The following TMPRSS6 variants were observed in gnomAD, a reference collection of about 807,000 sequenced individuals.
TMPRSS6 encodes transmembrane protease serine 6.
Under a neutral mutation model 101.5 loss-of-function variants are expected in TMPRSS6, and 67 were observed. The observed-to-expected ratio is 0.66, with a 90% CI of 0.54 to 0.81. The LOEUF (loss-of-function observed/expected upper bound fraction) is 0.81. TMPRSS6 is among the 30% of genes least tolerant of loss of function. TMPRSS6 has a pLI of 0.00. For missense variants in TMPRSS6, 1,034 were observed against 1,088.7 expected, an observed-to-expected ratio of 0.95 and a Z score of 0.71; for synonymous variants, 453 against 464.9, an observed-to-expected ratio of 0.97 and a Z score of 0.33.
upstream of TMPRSS6, among the ~76,000 whole-genome samples, chr22:37,110,161 T>C (rs1229127125): frequency 9.5e-6 from 1 of 105,662 alleles, no homozygotes; most frequent in East Asian, 3.3e-4. Context: ...TTTTTTTTTT[T>C]AAGATGGAGT....
chr22:37,093,554 C>A (rs138383791), intron 6 of TMPRSS6, among the ~76,000 whole-genome samples: 1 of 150,672 alleles, frequency 6.6e-6, no homozygotes, highest in African/African-American at 2.4e-5. Context: ...AGGTGCGCAC[C>A]ACCATGCCCG....
At position 37,084,745 on chromosome 22, in the gene TMPRSS6, G is replaced by A; in HGVS notation, c.1068C>T (p.His356=). The A allele has an allele frequency of 6.4e-7, 1 of 1,564,808 alleles. No individual in the cohort carries two copies. Among genetic ancestry groups the A allele is most frequent in the Non-Finnish European group, 8.7e-7 (1 of 1,154,352 alleles). ...GTCTCACCGTGAGGTGCCAGGAGCAGTGGGTTTGGGGCGAGTAGTAGCTGG... is the reference window on the plus strand; with the variant it reads ...GTCTCACCGTGAGGTGCCAGGAGCAATGGGTTTGGGGCGAGTAGTAGCTGG... ...YFPSYYSPQT[H]CSWHLTVPSL... The change falls in exon 9 of 18, where the codon CAC becomes CAT. Residue 356 remains histidine (H), a synonymous_variant. Transcript: ENST00000676104.
In TMPRSS6 at chr22:37,069,928, C is replaced by T. The variant is rs1321477672; in HGVS notation, c.1841+556G>A. On this transcript the variant is annotated intron_variant, in intron 15 of 17. Transcript: ENST00000676104. This position sits in a 1 kb window ranked among gnomAD's most constrained non-coding sequence, Gnocchi z 4.8. Reference sequence around the variant, plus strand: ...AGAGCTAGGTGGTCAGAGCGCCCTGCGTCCCAGAGAGGATACAAAAGGGGA... The same window carrying T: ...AGAGCTAGGTGGTCAGAGCGCCCTGTGTCCCAGAGAGGATACAAAAGGGGA... Among the ~76,000 whole-genome samples, 1 of 152,096 alleles carries T rather than the reference C, an allele frequency of 6.6e-6. No individual in the cohort carries two copies.
chr22:37,093,394 T>C (rs1333898481), intron 6 of TMPRSS6, among the ~76,000 whole-genome samples: 5 of 125,132 alleles, frequency 4.0e-5, no homozygotes, highest in African/African-American at 1.6e-4. Context: ...CTTTTTTTTT[T>C]TTTTTTTTTT....
At chr22:37,092,721 C>A (rs760659493) in intron 6 of TMPRSS6, among the ~76,000 whole-genome samples, 73 of 152,250 alleles carry the variant, frequency 4.8e-4, no homozygotes, top group Non-Finnish European at 8.2e-4. Context: ...GCCTCGAACT[C>A]CTGACCTCAG....
intron 6 of TMPRSS6, among the ~76,000 whole-genome samples, chr22:37,092,597 A>G (rs964950363): frequency 6.6e-6 from 1 of 152,134 alleles, no homozygotes; most frequent in Non-Finnish European, 1.5e-5. Flanking sequence ...CCTGGGTTCA[A>G]GCAATTCTCC....
chr22:37,089,480 C>A lies in TMPRSS6; in HGVS notation c.836+98G>T, dbSNP rs571646541. 1.3e-5 allele frequency: 16 copies of A among 1,234,616 alleles called. 2 individuals are homozygous for A. The South Asian group carries it at 2.1e-4, about 16-fold the overall frequency. The allele number at this position is 1,234,616 out of a possible 1,614,324, so 76.5% of individuals were successfully genotyped here. A position where few individuals can be genotyped will look rare whatever the true frequency, so the allele number is the denominator to read the frequency against. ...CCAGATACCCAGGCCCAAGGTCCTACCCTCCCTTGTCTAAGAATGCTGTGT... is the reference window on the plus strand; with the variant it reads ...CCAGATACCCAGGCCCAAGGTCCTAACCTCCCTTGTCTAAGAATGCTGTGT... On this transcript the variant is annotated intron_variant, in intron 7 of 17. Coordinates refer to ENST00000676104, the MANE Select transcript of TMPRSS6 (RefSeq NM_001374504.1).
chr22:37,096,838 A>G, intron 3 of TMPRSS6, 123 bp from the exon 4 acceptor site: 1 of 973,998 alleles, frequency 1.0e-6, no homozygotes, highest in Non-Finnish European at 1.6e-6. Context: ...TCCAAGGTGG[A>G]CAGGCTTGAT....
At chr22:37,073,048 GTGGATGGATGGATGA>G in intron 13 of TMPRSS6, among the ~76,000 whole-genome samples, 1 of 142,090 alleles carries the variant, frequency 7.0e-6, no homozygotes, top group Non-Finnish European at 1.5e-5. Flanking sequence ...TGGACGATGG[GTGGATGGATGGATGA>G]TGGATGGATG....
chr22:37,084,984 T>C lies in TMPRSS6; in HGVS notation c.974-145A>G, dbSNP rs536606347. On this transcript the variant is annotated intron_variant, in intron 8 of 17. Coordinates refer to ENST00000676104, the MANE Select transcript of TMPRSS6 (RefSeq NM_001374504.1). ...TGATTGTGTGAATCTGGGTCTCAGTTTCCTCATCTGTAAAATGAGGACAGT... is the reference window on the plus strand; with the variant it reads ...TGATTGTGTGAATCTGGGTCTCAGTCTCCTCATCTGTAAAATGAGGACAGT... The C allele has an allele frequency of 9.5e-5, 66 of 691,392 alleles. No individual in the cohort carries two copies. The African/African-American group carries it at 1.0e-3, about 10-fold the overall frequency. The allele number at this position is 691,392 out of a possible 1,614,324, so 42.8% of individuals were successfully genotyped here.
At chr22:37,094,351 T>C (rs1389594198) in intron 6 of TMPRSS6, among the ~76,000 whole-genome samples, 2 of 152,088 alleles carry the variant, frequency 1.3e-5, no homozygotes, top group Non-Finnish European at 2.9e-5. Context: ...AATCTTATTC[T>C]AGCAATTCTC....
At position 37,086,412 on chromosome 22, in the gene TMPRSS6, C is replaced by T. The variant is rs145053404; in HGVS notation, c.844G>A (p.Gly282Ser). ...LEKRLITSVY[G>S]CSRQEPVVEV... The stretch of plus-strand genomic sequence containing the variant: ...ACCACGGGCTCCTGGCGGCTGCAGC[C>T]GTACACCCTGGCAGAACAGAAAGGT... The change falls in exon 8 of 18, where the codon GGC becomes AGC. Residue 282 changes from glycine to serine, a missense_variant. Gly to Ser is a moderately conservative substitution (Grantham distance 56). Coordinates refer to ENST00000676104, the MANE Select transcript of TMPRSS6 (RefSeq NM_001374504.1). The T allele has an allele frequency of 1.4e-4, 227 of 1,586,274 alleles. No homozygotes were observed. The African/African-American group carries it at 2.7e-3, about 19-fold the overall frequency.
chr22:37,081,352 G>A (rs929589245), intron 10 of TMPRSS6, among the ~76,000 whole-genome samples: 3 of 152,314 alleles, frequency 2.0e-5, no homozygotes, highest in Non-Finnish European at 1.5e-5. Flanking sequence ...CCTCGCCCAG[G>A]TAGGAAGCAG....
At chr22:37,098,280 C>T (rs1392470608) in intron 3 of TMPRSS6, 136 bp downstream of exon 3, 2 of 1,328,210 alleles carry the variant, frequency 1.5e-6, no homozygotes, top group Admixed American at 1.7e-5. Context: ...CATCTGCTTC[C>T]ATGGTGCCTG....
chr22:37,098,836 C>T (rs1930054760), intron 2 of TMPRSS6, among the ~76,000 whole-genome samples: 1 of 152,158 alleles, frequency 6.6e-6, no homozygotes, highest in Admixed American at 6.5e-5. Flanking sequence ...GTGACCAGTC[C>T]AGGACACCAA....
At chr22:37,071,140 G>A in intron 13 of TMPRSS6, 108 bp from the exon 14 acceptor site, 1 of 982,936 alleles carries the variant, frequency 1.0e-6, no homozygotes, top group South Asian at 1.4e-5. Context: ...GCCAGGAGGT[G>A]ACTAGAGAGT....
chr22:37,068,922 C>G (rs1383249516), intron 16 of TMPRSS6, 151 bp downstream of exon 16: 1 of 1,360,194 alleles, frequency 7.4e-7, no homozygotes, highest in Non-Finnish European at 9.8e-7. Flanking sequence ...GGTTTTCTAC[C>G]GTAAAATTCA....
chr22:37,085,495 A>T (rs1928666359), intron 8 of TMPRSS6, among the ~76,000 whole-genome samples: 1 of 152,122 alleles, frequency 6.6e-6, no homozygotes, highest in South Asian at 2.1e-4. Flanking sequence ...GGGAGGGAGA[A>T]GAGTGGGGAG....
intron 1 of TMPRSS6, among the ~76,000 whole-genome samples, chr22:37,104,319 A>G (rs1930575200): frequency 1.3e-5 from 2 of 152,322 alleles, no homozygotes; most frequent in South Asian, 2.1e-4. Flanking sequence ...CCTGAAGCCC[A>G]GAGAGGCTAA....
Sources: allele counts gnomAD v4.1 joint callset (sites outside exome capture counted in the v4.1 genomes callset), GRCh38; gene constraint gnomAD v4.1.1; non-coding constraint Gnocchi (gnomAD v3.1); transcripts MANE v1.5; gene names NCBI Gene and HGNC (gene_info 2026-07-23, HGNC 2026-07-21).